The following MBNL2 variants were observed in gnomAD, a reference collection of about 807,000 sequenced individuals.
MBNL2 encodes muscleblind-like protein 2.
Under a neutral mutation model 41.9 loss-of-function variants are expected in MBNL2, and 17 were observed. The ratio of observed to expected loss-of-function variants is 0.41; its 90% CI spans 0.28 to 0.61. The LOEUF is 0.61. Ranked by LOEUF, MBNL2 falls within the 20% of genes least tolerant of loss-of-function variation. MBNL2 has a pLI of 0.35. For missense variants in MBNL2, 336 were observed against 505.6 expected, an observed-to-expected ratio of 0.66 and a Z score of 3.22; for synonymous variants, 195 against 182.9, an observed-to-expected ratio of 1.07 and a Z score of -0.53.
chr13:97,174,496 A>G, the MBNL2 span, among the ~76,000 whole-genome samples: 1 of 152,380 alleles, frequency 6.6e-6, no homozygotes, highest in Admixed American at 6.5e-5. Context: ...TAAAAAGAGG[A>G]TGGATAAGTG....
intron 1 of MBNL2, among the ~76,000 whole-genome samples, chr13:97,255,213 G>C (rs2047298941): frequency 6.6e-6 from 1 of 152,210 alleles, no homozygotes; most frequent in Non-Finnish European, 1.5e-5. Flanking sequence ...GAGCAGAGCA[G>C]AGTTAGAAGA....
At chr13:97,182,397 T>G in the MBNL2 span, among the ~76,000 whole-genome samples, 3 of 152,378 alleles carry the variant, frequency 2.0e-5, no homozygotes, top group South Asian at 6.2e-4. Context: ...TTTCCTTCTT[T>G]GCTATGCAAT....
chr13:97,195,914 A>G, the MBNL2 span, among the ~76,000 whole-genome samples: 1 of 152,192 alleles, frequency 6.6e-6, no homozygotes, highest in Non-Finnish European at 1.5e-5. Context: ...GGACAACATC[A>G]GTAAAAGGTA....
intron 5 of MBNL2, among the ~76,000 whole-genome samples, chr13:97,347,326 G>A (rs145403369): frequency 5.3e-5 from 8 of 152,150 alleles, no homozygotes; most frequent in African/African-American, 1.9e-4. Context: ...CCCCTCCTAG[G>A]GTGGCGGAGA....
At chr13:97,299,852 A>G (rs941195770) in intron 2 of MBNL2, among the ~76,000 whole-genome samples, 5 of 152,206 alleles carry the variant, frequency 3.3e-5, no homozygotes, top group Non-Finnish European at 1.5e-5. Context: ...TGTGTTAATC[A>G]GGTTGTAGCA....
intron 5 of MBNL2, 105 bp downstream of exon 5, chr13:97,347,172 G>C: frequency 1.2e-6 from 1 of 861,588 alleles, no homozygotes; most frequent in Non-Finnish European, 1.7e-6. Flanking sequence ...ATGGAAGGCT[G>C]CTATTCCTGC....
intron 2 of MBNL2, among the ~76,000 whole-genome samples, chr13:97,316,162 C>A (rs2059032857): frequency 6.6e-6 from 1 of 152,204 alleles, no homozygotes; most frequent in Non-Finnish European, 1.5e-5. Context: ...ACAAAAATCC[C>A]CTTCCAGGGG....
At chr13:97,298,189 A>G (rs1006660894) in intron 2 of MBNL2, among the ~76,000 whole-genome samples, 2 of 151,522 alleles carry the variant, frequency 1.3e-5, no homozygotes, top group African/African-American at 4.8e-5. Flanking sequence ...AAATAATAAT[A>G]TAAATAAATA....
Position 97,256,123 on chromosome 13 carries a change from AATT to A in MBNL2, c.-604-19505_-604-19503del, listed in dbSNP as rs2047473433. ...AGATAAAAGAAGACAAAATAAAAAA[AATT>A]ATTGCAAGGCTGACAGAACAGTTGG... On this transcript the variant is annotated intron_variant, in intron 1 of 8. Transcript: ENST00000679496. Among the ~76,000 whole-genome samples the A allele has an allele frequency of 2.0e-5, 3 of 152,234 alleles. No homozygotes were observed. The South Asian group carries it at 6.2e-4, about 31-fold the overall frequency.
chr13:97,361,990 C>A (rs888750527), intron 7 of MBNL2, among the ~76,000 whole-genome samples: 5 of 151,966 alleles, frequency 3.3e-5, no homozygotes, highest in Non-Finnish European at 7.4e-5. Flanking sequence ...CCAGACTGGT[C>A]TTGATCTCCT....
At chr13:97,306,356 A>T (rs1297428360) in intron 2 of MBNL2, among the ~76,000 whole-genome samples, 1 of 152,168 alleles carries the variant, frequency 6.6e-6, no homozygotes. Context: ...CCTTCATTTT[A>T]TTTGACCTCT....
chr13:97,207,438 G>A, the MBNL2 span, among the ~76,000 whole-genome samples: 1 of 152,180 alleles, frequency 6.6e-6, no homozygotes, highest in Non-Finnish European at 1.5e-5. Context: ...AAGGCAAGGA[G>A]GAGCAAGTCA....
At position 97,391,776 on chromosome 13, in the gene MBNL2, C is replaced by T. The variant is rs1162451466; in HGVS notation, c.*327C>T. The T allele has an allele frequency of 4.7e-6, 1 of 214,226 alleles. No homozygotes were observed. The highest frequency in any genetic ancestry group is 9.1e-6 in the Non-Finnish European group (1 of 109,516). The allele number at this position is 214,226 out of a possible 1,614,324, so 13.3% of individuals were successfully genotyped here. A position where few individuals can be genotyped will look rare whatever the true frequency, so the allele number is the denominator to read the frequency against. On this transcript the variant is annotated 3_prime_UTR_variant, in exon 9 of 9. Transcript: ENST00000679496. ...TTAAAAAAGAAACATATTCCAAGGG[C>T]AGGTTCGATTCTAGCTCTAATTACT...
At position 97,366,601 on chromosome 13, in the gene MBNL2, A is replaced by C; in HGVS notation, c.1048+1430A>C. 8.9e-7 allele frequency: 1 copy of C among 1,127,098 alleles called. No individual in the cohort carries two copies. Among genetic ancestry groups the C allele is most frequent in the Admixed American group, 1.9e-5 (1 of 51,346 alleles). 69.8% of individuals were successfully genotyped at this position (1,127,098 alleles called of 1,614,324 possible). The stretch of plus-strand genomic sequence containing the variant: ...TTTCACAAATCCCAAACTCTAAATG[A>C]GTGCTGATATTTAAAAAAAAAATTC... On this transcript the variant is annotated intron_variant, in intron 8 of 8. Transcript: ENST00000679496. The surrounding 1 kb of genome is among the most constrained non-coding windows in gnomAD (Gnocchi z 4.7).
At chr13:97,184,557 A>C in the MBNL2 span, among the ~76,000 whole-genome samples, 7 of 152,124 alleles carry the variant, frequency 4.6e-5, no homozygotes, top group Non-Finnish European at 1.0e-4. Context: ...ATCTTGGCTC[A>C]CTGCAACCTC....
chr13:97,276,267 C>T lies in MBNL2; in HGVS notation c.32C>T (p.Thr11Ile). The change falls in exon 2 of 9, where the codon ACA (threonine) becomes ATA (isoleucine). Residue 11 changes from threonine (T) to isoleucine (I), a missense_variant. By Grantham distance (89) the Thr-to-Ile change is moderately conservative (BLOSUM62 -1). Transcript: ENST00000679496. MALNVAPVRD[T>I]KWLTLEVCRQ... Reference sequence around the variant, plus strand: ...TTGAACGTTGCCCCAGTCAGAGATACAAAATGGCTGACATTAGAAGTCTGC... The same window carrying T: ...TTGAACGTTGCCCCAGTCAGAGATATAAAATGGCTGACATTAGAAGTCTGC... 1.2e-6 allele frequency: 2 copies of T among 1,613,830 alleles called. No homozygotes were observed. The highest frequency in any genetic ancestry group is 1.7e-6 in the Non-Finnish European group (2 of 1,179,792).
chr13:97,283,708 G>T (rs1311261801), intron 2 of MBNL2, among the ~76,000 whole-genome samples: 2 of 152,214 alleles, frequency 1.3e-5, no homozygotes, highest in Non-Finnish European at 2.9e-5. Context: ...CATTTAAGAA[G>T]GCCTGAGGAT....
At chr13:97,312,337 C>G (rs1350010819) in intron 2 of MBNL2, among the ~76,000 whole-genome samples, 4 of 152,228 alleles carry the variant, frequency 2.6e-5, no homozygotes, top group Admixed American at 2.6e-4. Flanking sequence ...TTCTCTTCTA[C>G]TTGCAGCATT....
chr13:97,169,388 G>C, the MBNL2 span, among the ~76,000 whole-genome samples: 3 of 152,154 alleles, frequency 2.0e-5, no homozygotes, highest in African/African-American at 4.8e-5. Context: ...ACCAGACATA[G>C]AGTGGTGACA....
Sources: allele counts gnomAD v4.1 joint callset (sites outside exome capture counted in the v4.1 genomes callset), GRCh38; gene constraint gnomAD v4.1.1; non-coding constraint Gnocchi (gnomAD v3.1); transcripts MANE v1.5; gene names NCBI Gene and HGNC (gene_info 2026-07-23, HGNC 2026-07-21).